DMD: variants seen among roughly 807,000 people sequenced by gnomAD.
DMD encodes the protein dystrophin, also known as mutant dystrophin.
A neutral mutation model predicts 330.1 loss-of-function variants in DMD; 63 were observed. That is an observed-to-expected ratio of 0.19 (90% CI 0.16 to 0.24). The LOEUF is 0.24. DMD is among the 10% of genes least tolerant of loss of function. The pLI is 1.00. For missense variants in DMD, 3,344 were observed against 2,684.1 expected, an observed-to-expected ratio of 1.25 and a Z score of -5.43; for synonymous variants, 1,223 against 959.8, an observed-to-expected ratio of 1.27 and a Z score of -5.07.
intron 45 of DMD, among the ~76,000 whole-genome samples, chrX:31,944,814 AT>A (rs1171126471): frequency 1.8e-5 from 2 of 110,422 alleles, no homozygotes; most frequent in Non-Finnish European, 3.8e-5. Flanking sequence ...GGCCAAGATA[AT>A]TTTTTTTGTA....
intron 12 of DMD, among the ~76,000 whole-genome samples, chrX:32,606,258 C>G (rs921664485): frequency 9.1e-6 from 1 of 110,253 alleles, no homozygotes; most frequent in African/African-American, 3.3e-5. Context: ...TTAGATCCCA[C>G]AAATAAGTCA....
intron 7 of DMD, among the ~76,000 whole-genome samples, chrX:32,722,915 T>TTTTA (rs10683394): frequency 0.076 from 8,400 of 110,345 alleles, 811 homozygotes; most frequent in African/African-American, 0.26. Flanking sequence ...TGTGAAAGCC[T>TTTTA]TTTATTAATT....
Position 32,732,097 on chromosome X carries a change from G to A in DMD, c.650-32804C>T, listed in dbSNP as rs781012871. ...CTGATGGAGCTGAAAACCAAGGCTAGAGAAGTACGTGAAGAATGCAGAAGC... is the reference window on the plus strand; with the variant it reads ...CTGATGGAGCTGAAAACCAAGGCTAAAGAAGTACGTGAAGAATGCAGAAGC... On this transcript the variant is annotated intron_variant, in intron 7 of 78. Coordinates refer to ENST00000357033, the MANE Select transcript of DMD (RefSeq NM_004006.3). Among the ~76,000 whole-genome samples, 15 of 111,929 alleles carry A rather than the reference G, an allele frequency of 1.3e-4. No individual in the cohort carries two copies. In the South Asian group the frequency reaches 5.3e-3, roughly 39 times the overall value.
At chrX:31,924,659 T>A (rs1445220291) in intron 47 of DMD, among the ~76,000 whole-genome samples, 1 of 112,023 alleles carries the variant, frequency 8.9e-6, no homozygotes, top group Non-Finnish European at 1.9e-5. Flanking sequence ...ATTAAAGGTT[T>A]GTTATATATG....
intron 48 of DMD, among the ~76,000 whole-genome samples, chrX:31,871,112 G>T (rs753778823): frequency 2.7e-5 from 3 of 111,340 alleles, no homozygotes; most frequent in Non-Finnish European, 5.7e-5. Context: ...TGTCTAAATT[G>T]AGAGTATATT....
At chrX:32,074,653 C>T (rs1303194362) in intron 44 of DMD, among the ~76,000 whole-genome samples, 1 of 112,037 alleles carries the variant, frequency 8.9e-6, no homozygotes, top group African/African-American at 3.2e-5. Context: ...CATACTACAA[C>T]AGCGTAGTTG....
At chrX:32,622,863 G>A (rs187297314) in intron 11 of DMD, among the ~76,000 whole-genome samples, 1 of 111,953 alleles carries the variant, frequency 8.9e-6, no homozygotes, top group East Asian at 2.8e-4. Flanking sequence ...GAAGAATTCA[G>A]TTCTAACCAG....
At chrX:32,949,342 GTAGATAGATAGA>G (rs1193558967) in intron 2 of DMD, among the ~76,000 whole-genome samples, 4,318 of 91,471 alleles carry the variant, frequency 0.047, 247 homozygotes, top group African/African-American at 0.15. Context: ...AGGTAGGTAG[GTAGATAGATAGA>G]TAGATAGATA....
intron 2 of DMD, among the ~76,000 whole-genome samples, chrX:32,943,913 G>T (rs1482651057): frequency 3.6e-5 from 4 of 111,261 alleles, no homozygotes; most frequent in African/African-American, 6.5e-5. Flanking sequence ...GTGTAATTTT[G>T]TTACATGCAT....
At chrX:32,957,751 G>T (rs1420665749) in intron 2 of DMD, among the ~76,000 whole-genome samples, 11 of 111,723 alleles carry the variant, frequency 9.8e-5, no homozygotes, top group Non-Finnish European at 2.1e-4. Flanking sequence ...ACAAATGAAA[G>T]ATCTACATCA....
At chrX:32,368,656 G>A (rs2097862492) in intron 34 of DMD, among the ~76,000 whole-genome samples, 1 of 111,394 alleles carries the variant, frequency 9.0e-6, no homozygotes, top group Admixed American at 9.6e-5. Flanking sequence ...CTTTATACCT[G>A]TACTCATTCC....
At chrX:31,714,123 A>C (rs2084849094) in intron 52 of DMD, among the ~76,000 whole-genome samples, 2 of 111,594 alleles carry the variant, frequency 1.8e-5, no homozygotes, top group South Asian at 7.5e-4. Context: ...TGCTGCCATA[A>C]GCTTGAAGGT....
intron 42 of DMD, among the ~76,000 whole-genome samples, chrX:32,304,926 A>G (rs1702512449): frequency 9.0e-6 from 1 of 111,699 alleles, no homozygotes; most frequent in South Asian, 3.7e-4. Flanking sequence ...ACTCGAATTC[A>G]AAAAGCATTT....
At chrX:33,100,651 G>A (rs939531378) in intron 1 of DMD, among the ~76,000 whole-genome samples, 2 of 111,503 alleles carry the variant, frequency 1.8e-5, no homozygotes, top group Non-Finnish European at 1.9e-5. Flanking sequence ...AGATTGCACA[G>A]TTGCCCTCTA....
intron 55 of DMD, among the ~76,000 whole-genome samples, chrX:31,586,866 A>G (rs2076634371): frequency 8.9e-6 from 1 of 112,303 alleles, no homozygotes; most frequent in African/African-American, 3.2e-5. Context: ...CGCAGTGAGT[A>G]ATGGTACAAT....
At chrX:32,340,745 T>C (rs1216912619) in intron 41 of DMD, among the ~76,000 whole-genome samples, 1 of 112,071 alleles carries the variant, frequency 8.9e-6, no homozygotes, top group Non-Finnish European at 1.9e-5. Context: ...TCGCTTCATT[T>C]TGCATCTGCA....
intron 1 of DMD, among the ~76,000 whole-genome samples, chrX:33,203,850 G>A (rs1332166024): frequency 9.0e-6 from 1 of 110,627 alleles, no homozygotes; most frequent in Non-Finnish European, 1.9e-5. Flanking sequence ...AAACACCTTA[G>A]CATCCACACC....
chrX:32,902,884 C>T (rs962861118), intron 2 of DMD, among the ~76,000 whole-genome samples: 7 of 109,825 alleles, frequency 6.4e-5, no homozygotes, highest in African/African-American at 2.0e-4. Flanking sequence ...TGGCCAGGTG[C>T]GGTGGTTCAC....
chrX:32,297,629 C>T (rs2097503467), intron 42 of DMD, among the ~76,000 whole-genome samples: 1 of 111,177 alleles, frequency 9.0e-6, no homozygotes, highest in African/African-American at 3.3e-5. Flanking sequence ...AGCAAAAGCC[C>T]CGCTCTCTGG....
Sources: allele counts gnomAD v4.1 joint callset (sites outside exome capture counted in the v4.1 genomes callset), GRCh38; gene constraint gnomAD v4.1.1; transcripts MANE v1.5; gene names NCBI Gene and HGNC (gene_info 2026-07-23, HGNC 2026-07-21).